The following BPIFC variants were observed in gnomAD, a reference collection of about 807,000 sequenced individuals.
BPIFC encodes BPI fold-containing family C protein.
In BPIFC, 60 loss-of-function variants were observed where a neutral mutation model predicts 57.6. The ratio of observed to expected loss-of-function variants is 1.04; its 90% CI spans 0.85 to 1.29. The LOEUF is 1.29. Ranked by LOEUF, BPIFC falls within the 50% of genes most tolerant of loss-of-function variation. BPIFC has a pLI of 0.00. For missense variants in BPIFC, 581 were observed against 600.5 expected (o/e 0.97, Z 0.34); for synonymous variants, 243 against 224.5 (o/e 1.08, Z -0.74).
chr22:32,429,884 C>A (rs1211098542), intron 13 of BPIFC, among the ~76,000 whole-genome samples: 2 of 152,168 alleles, frequency 1.3e-5, no homozygotes, highest in African/African-American at 4.8e-5. Flanking sequence ...TCCCCCTCTG[C>A]TGGTTTCTCA....
In BPIFC at chr22:32,457,378, T is replaced by C; in HGVS notation, c.9A>G (p.Thr3=). The C allele has an allele frequency of 6.2e-7, 1 of 1,608,872 alleles. No homozygotes were observed. The highest frequency in any genetic ancestry group is 8.5e-7 in the Non-Finnish European group (1 of 1,178,670). The part of the protein sequence containing the change: MC[T]KTIPVLWGCF... ...ATCCCCAGAGGACTGGGATTGTCTT[T>C]GTACACATCTGAAATTAACCAACAG... Residue 3 remains threonine, a synonymous_variant, in exon 3 of 17, where the codon ACA becomes ACG. Transcript: ENST00000300399.
In BPIFC at chr22:32,453,442, T is replaced by G. The variant is rs766902752; in HGVS notation, c.186A>C (p.Leu62Phe). Residue 62 changes from leucine to phenylalanine, a missense_variant, in exon 4 of 17, where the codon TTA becomes TTC. Physicochemically the swap from Leu to Phe is conservative, Grantham distance 22. Coordinates refer to ENST00000300399, the MANE Select transcript of BPIFC (RefSeq NM_174932.3). The stretch of plus-strand genomic sequence containing the variant: ...GAAATTCAAGAGACTCAGAACCGCT[T>G]AAATCTGGGAGTTTCTTTTCTTTTA... ...QMLKEKKLPD[L>F]SGSESLEFLK... is the part of the protein sequence containing the mutation. The G allele has an allele frequency of 1.2e-6, 2 of 1,606,948 alleles. No individual in the cohort carries two copies. Among genetic ancestry groups the G allele is most frequent in the South Asian group, 2.3e-5 (2 of 88,686 alleles).
At chr22:32,450,651 T>C (rs1162085376) in intron 4 of BPIFC, among the ~76,000 whole-genome samples, 1 of 152,156 alleles carries the variant, frequency 6.6e-6, no homozygotes, top group Middle Eastern at 3.4e-3. Flanking sequence ...CTTATACTCA[T>C]GATACACCTC....
intron 9 of BPIFC, among the ~76,000 whole-genome samples, chr22:32,436,450 C>A (rs1934405990): frequency 1.4e-5 from 2 of 146,654 alleles, no homozygotes; most frequent in African/African-American, 2.5e-5. Flanking sequence ...GAAGAAGAAG[C>A]ATAAGAAGAA....
At position 32,437,871 on chromosome 22, in the gene BPIFC, A is replaced by G. The variant is rs758749013; in HGVS notation, c.656-20T>C. ...TTAAAACTAAATAACCAACAAAGAAAAAAGAAAATCCATATTCATTAAAGG... is the reference window on the plus strand; with the variant it reads ...TTAAAACTAAATAACCAACAAAGAAGAAAGAAAATCCATATTCATTAAAGG... On this transcript the variant is annotated intron_variant, in intron 8 of 16. Coordinates refer to ENST00000300399, the MANE Select transcript of BPIFC (RefSeq NM_174932.3). 5.4e-6 allele frequency: 8 copies of G among 1,492,924 alleles called. No individual in the cohort carries two copies. The Admixed American group carries it at 1.3e-4, about 25-fold the overall frequency. The allele number at this position is 1,492,924 out of a possible 1,614,324, so 92.5% of individuals were successfully genotyped here.
intron 11 of BPIFC, among the ~76,000 whole-genome samples, chr22:32,432,979 G>A (rs2145930658): frequency 6.6e-6 from 1 of 152,296 alleles, no homozygotes; most frequent in East Asian, 1.9e-4. Context: ...GAGATCGGTG[G>A]ATCACTTGAA....
rs1403362426 is a variant in BPIFC, at chr22:32,435,860, T to G, written c.768A>C (p.Glu256Asp). ...LNLKGVFYPLENLTDPPFSPV... is the reference protein window; with the variant it reads ...LNLKGVFYPLDNLTDPPFSPV... ...GTGAGAAGGGGGGGTCGGTGAGGTT[T>G]TCCAGTGGGTAGAATACACCCTGTG... The change falls in exon 10 of 17, where the codon GAA (glutamate) becomes GAC (aspartate). Residue 256 changes from glutamate to aspartate, a missense_variant. By Grantham distance (45) the Glu-to-Asp change is conservative. Transcript: ENST00000300399. 6.2e-7 allele frequency: 1 copy of G among 1,614,022 alleles called. No homozygotes were observed. Among genetic ancestry groups the G allele is most frequent in the East Asian group, 2.2e-5 (1 of 44,872 alleles).
chr22:32,442,588 C>A, intron 8 of BPIFC, 83 bp downstream of exon 8: 1 of 1,349,428 alleles, frequency 7.4e-7, no homozygotes, highest in Non-Finnish European at 1.1e-6. Context: ...TCAAGCTATA[C>A]CGCCTTGAAA....
In BPIFC at chr22:32,424,671, CT is replaced by C. The variant is rs1384360268; in HGVS notation, c.1218-5268del. 1.7e-4 allele frequency among the ~76,000 whole-genome samples: 15 copies of C among 90,058 alleles called. 2 individuals carry two copies. Among genetic ancestry groups the C allele is most frequent in the African/African-American group, 3.4e-4 (5 of 14,900 alleles). The allele number at this position is 90,058 out of a possible 152,430, so 59.1% of individuals were successfully genotyped here. A position where few individuals can be genotyped will look rare whatever the true frequency, so the allele number is the denominator to read the frequency against. Reference sequence around the variant, plus strand: ...TCTTCTTCTTCTTCTTCTTCTTCTTCTTCTTCTTCTTCTTCTTCTTCCTCTT... The same window carrying C: ...TCTTCTTCTTCTTCTTCTTCTTCTTCTCTTCTTCTTCTTCTTCTTCCTCTT... On this transcript the variant is annotated intron_variant, in intron 13 of 16. Coordinates refer to ENST00000300399, the MANE Select transcript of BPIFC (RefSeq NM_174932.3).
At chr22:32,420,123 C>T (rs991173320) in intron 13 of BPIFC, among the ~76,000 whole-genome samples, 1 of 151,944 alleles carries the variant, frequency 6.6e-6, no homozygotes, top group African/African-American at 2.4e-5. Flanking sequence ...CGAGACCATC[C>T]CGGCTAACAC....
intron 4 of BPIFC, among the ~76,000 whole-genome samples, chr22:32,449,912 T>C (rs1934839617): frequency 6.6e-6 from 1 of 152,060 alleles, no homozygotes; most frequent in African/African-American, 2.4e-5. Flanking sequence ...TTTTTTGTAC[T>C]TTTAGTAGAG....
intron 16 of BPIFC, among the ~76,000 whole-genome samples, 199 bp from the exon 17 acceptor site, chr22:32,414,624 G>A (rs1013268098): frequency 1.3e-5 from 2 of 151,880 alleles, no homozygotes; most frequent in African/African-American, 2.4e-5. Context: ...AGTGATTCTC[G>A]TGCCTCAGTC....
At chr22:32,431,850 C>T (rs919244899) in intron 12 of BPIFC, among the ~76,000 whole-genome samples, 5 of 152,034 alleles carry the variant, frequency 3.3e-5, no homozygotes, top group Non-Finnish European at 7.4e-5. Flanking sequence ...GTGGGAAGAG[C>T]GTGCATGAAG....
intron 7 of BPIFC, among the ~76,000 whole-genome samples, chr22:32,443,324 C>T (rs773660740): frequency 4.6e-5 from 7 of 152,146 alleles, no homozygotes; most frequent in Non-Finnish European, 8.8e-5. Flanking sequence ...CCACTATGCC[C>T]GGCTAATTTT....
intron 9 of BPIFC, 73 bp from the exon 10 acceptor site, chr22:32,435,953 C>T (rs1413553140): frequency 1.3e-6 from 2 of 1,487,114 alleles, no homozygotes; most frequent in African/African-American, 2.8e-5. Context: ...AGAAGATGGA[C>T]CCTCTGAAGT....
At chr22:32,438,010 G>C (rs1289448285) in intron 8 of BPIFC, among the ~76,000 whole-genome samples, 159 bp from the exon 9 acceptor site, 4 of 152,140 alleles carry the variant, frequency 2.6e-5, no homozygotes, top group Non-Finnish European at 5.9e-5. Context: ...TGAAAACCCA[G>C]GAAAAGTAGA....
intron 13 of BPIFC, among the ~76,000 whole-genome samples, chr22:32,424,600 T>TCTCCTC (rs879668188): frequency 3.8e-5 from 3 of 78,594 alleles, no homozygotes; most frequent in South Asian, 3.8e-4. Flanking sequence ...TTCTTCTTCT[T>TCTCCTC]CTCCTCCTCC....
chr22:32,423,542 C>T (rs1054091236), intron 13 of BPIFC, among the ~76,000 whole-genome samples: 3 of 150,370 alleles, frequency 2.0e-5, no homozygotes, highest in African/African-American at 7.4e-5. Flanking sequence ...TTTGCATTCT[C>T]TCGCTATGTT....
chr22:32,435,316 T>C (rs541517497), intron 10 of BPIFC, among the ~76,000 whole-genome samples: 1 of 152,326 alleles, frequency 6.6e-6, no homozygotes, highest in Admixed American at 6.5e-5. Context: ...TGAACATTCC[T>C]AATCTGAATA....
Sources: gnomAD v4.1 joint callset for allele counts (sites outside exome capture counted in the v4.1 genomes callset) on GRCh38, gnomAD v4.1.1 for gene constraint, MANE v1.5 for transcripts, NCBI Gene and HGNC (gene_info 2026-07-23, HGNC 2026-07-21) for gene names.